The following SV2C variants were observed in gnomAD, a reference collection of about 807,000 sequenced individuals.
The protein encoded by SV2C is solute carrier family 22 member B3.
SV2C carries 49 observed loss-of-function variants against 79.7 expected under a neutral mutation model. The ratio of observed to expected loss-of-function variants is 0.61; its 90% confidence interval spans 0.49 to 0.78. The LOEUF (loss-of-function observed/expected upper bound fraction) is 0.78. Ranked by LOEUF, SV2C falls within the 30% of genes least tolerant of loss-of-function variation. The pLI, the probability that SV2C is intolerant of heterozygous loss-of-function variation, is 0.00. For synonymous variants in SV2C, 334 were observed against 333.2 expected, an observed-to-expected ratio of 1.00 and a Z score of -0.03; for missense variants, 833 against 912.9, an observed-to-expected ratio of 0.91 and a Z score of 1.13.
chr5:76,107,796 T>G (rs1417327667), intron 1 of SV2C, among the ~76,000 whole-genome samples: 3 of 152,120 alleles, frequency 2.0e-5, no homozygotes, highest in African/African-American at 7.2e-5. Flanking sequence ...GAGGTTGCAG[T>G]GAGCCAAGAT....
chr5:75,929,838 G>T, the SV2C span, among the ~76,000 whole-genome samples: 10 of 152,226 alleles, frequency 6.6e-5, no homozygotes, highest in East Asian at 1.5e-3. Context: ...CATTTTAAGA[G>T]AAGAAAACTA....
At chr5:76,058,349 C>T in the SV2C span, among the ~76,000 whole-genome samples, 1 of 152,106 alleles carries the variant, frequency 6.6e-6, no homozygotes, top group African/African-American at 2.4e-5. Context: ...ATTCCCCCAT[C>T]AACCCTGGAA....
At chr5:76,280,828 C>G (rs1418804051) in intron 4 of SV2C, 1 of 387,216 alleles carries the variant, frequency 2.6e-6, no homozygotes, top group Non-Finnish European at 5.1e-6. Context: ...TTGGAGCCAG[C>G]AGTTGCAGCC....
chr5:75,869,153 G>A, the SV2C span, among the ~76,000 whole-genome samples: 3 of 151,426 alleles, frequency 2.0e-5, no homozygotes, highest in Non-Finnish European at 4.4e-5. Context: ...TAGGTTCTTG[G>A]GGTCTTGCAC....
chr5:76,262,298 T>A (rs921005728), intron 4 of SV2C, among the ~76,000 whole-genome samples: 7 of 152,164 alleles, frequency 4.6e-5, no homozygotes, highest in Non-Finnish European at 8.8e-5. Context: ...TTTTTTGTTT[T>A]TTATTGTGTC....
chr5:76,344,458 C>A (rs961731747), intron 12 of SV2C, among the ~76,000 whole-genome samples: 44 of 152,170 alleles, frequency 2.9e-4, no homozygotes, highest in Admixed American at 6.5e-5. Context: ...CCTGTAATCC[C>A]AACACTTTGG....
chr5:76,173,697 G>A lies in SV2C; in HGVS notation c.581-21222G>A, dbSNP rs376375896. The A allele has an allele frequency of 8.2e-4, 1,316 of 1,613,562 alleles. 1 individual carries two copies. The highest frequency in any genetic ancestry group is 1.0e-3 in the Non-Finnish European group (1,234 of 1,179,522). On this transcript the variant is annotated intron_variant, in intron 2 of 12. Coordinates refer to ENST00000502798, the MANE Select transcript of SV2C (RefSeq NM_014979.4). ...ACTGGAGTTTTTCTGTTAATTTGCC[G>A]CACTAGGTCATAAAAGATCTCATTA...
intron 4 of SV2C, among the ~76,000 whole-genome samples, chr5:76,257,894 G>A (rs1474824195): frequency 6.7e-6 from 1 of 148,330 alleles, no homozygotes; most frequent in African/African-American, 2.5e-5. Flanking sequence ...GAACATGTGT[G>A]GTGTGATATA....
intron 4 of SV2C, among the ~76,000 whole-genome samples, chr5:76,238,204 A>G (rs6886655): frequency 0.12 from 17,815 of 151,694 alleles, 3,043 homozygotes; most frequent in African/African-American, 0.38. Flanking sequence ...TTGTCTTTTT[A>G]TTCTCCTTTC....
At chr5:75,997,362 C>T in the SV2C span, among the ~76,000 whole-genome samples, 17 of 151,700 alleles carry the variant, frequency 1.1e-4, no homozygotes, top group Middle Eastern at 3.5e-3. Flanking sequence ...AACTAAAGAG[C>T]TTCTGCGCAG....
chr5:75,927,522 A>C, the SV2C span, among the ~76,000 whole-genome samples: 31 of 152,204 alleles, frequency 2.0e-4, no homozygotes, highest in Non-Finnish European at 4.0e-4. Flanking sequence ...ATTATTTTTC[A>C]ATGGGTATGA....
chr5:76,083,959 C>G (rs899369491), intron 1 of SV2C: 2 of 152,004 alleles, frequency 1.3e-5, no homozygotes, highest in African/African-American at 4.8e-5. Context: ...TCATAGCTGC[C>G]TTAGGCTCAA....
chr5:75,959,867 T>C, the SV2C span, among the ~76,000 whole-genome samples: 2 of 151,992 alleles, frequency 1.3e-5, no homozygotes, highest in Non-Finnish European at 2.9e-5. Flanking sequence ...AATGAGAAAG[T>C]ATACTAAAAA....
chr5:76,198,252 G>A (rs566555177), intron 3 of SV2C, among the ~76,000 whole-genome samples: 2 of 152,280 alleles, frequency 1.3e-5, no homozygotes, highest in African/African-American at 4.8e-5. Flanking sequence ...CGGTGTTGGA[G>A]GTGGGGCCTG....
the SV2C span, chr5:75,911,168 A>G: frequency 6.3e-7 from 1 of 1,592,648 alleles, no homozygotes; most frequent in Admixed American, 1.7e-5. Flanking sequence ...AGCTCCTCTG[A>G]GGAAGAAGAG....
At chr5:76,335,591 T>C (rs1172341270), downstream of SV2C, among the ~76,000 whole-genome samples, 1 of 152,114 alleles carries the variant, frequency 6.6e-6, no homozygotes, top group African/African-American at 2.4e-5. Flanking sequence ...TTTGTGTCCC[T>C]GGGTGCTTGA....
chr5:75,866,369 G>T, the SV2C span, among the ~76,000 whole-genome samples: 1 of 152,182 alleles, frequency 6.6e-6, no homozygotes, highest in Non-Finnish European at 1.5e-5. Flanking sequence ...TACTTACAGT[G>T]TTCTGGGCAC....
At chr5:76,264,321 T>A (rs1262537045) in intron 4 of SV2C, among the ~76,000 whole-genome samples, 1 of 152,070 alleles carries the variant, frequency 6.6e-6, no homozygotes, top group African/African-American at 2.4e-5. Flanking sequence ...TTATTCTAGT[T>A]AGCAGTTCCT....
chr5:76,145,316 T>C (rs1749386510), intron 2 of SV2C, among the ~76,000 whole-genome samples: 1 of 152,248 alleles, frequency 6.6e-6, no homozygotes, highest in African/African-American at 2.4e-5. Context: ...CATACCTTTC[T>C]TCTAAGAGAC....
Sources: allele counts gnomAD v4.1 joint callset (sites outside exome capture counted in the v4.1 genomes callset), GRCh38; gene constraint gnomAD v4.1.1; transcripts MANE v1.5; gene names NCBI Gene and HGNC (gene_info 2026-07-23, HGNC 2026-07-21).